The following ADAM22 variants were observed in gnomAD, a reference collection of about 807,000 sequenced individuals.
ADAM22 encodes the protein disintegrin and metalloproteinase domain-containing protein 22.
A neutral mutation model predicts 144.6 loss-of-function variants in ADAM22; 65 were observed. The ratio of observed to expected loss-of-function variants is 0.45; its 90% CI spans 0.37 to 0.55. ADAM22 has a LOEUF of 0.55. ADAM22 is among the 20% of genes least tolerant of loss of function. The pLI is 0.00. For missense variants in ADAM22, 974 were observed against 1,184.9 expected (o/e 0.82, Z 2.61); for synonymous variants, 391 against 412.6 (o/e 0.95, Z 0.63).
In ADAM22 at chr7:88,202,118, CCA is replaced by C. The variant is rs1382572726; in HGVS notation, c.*5629_*5630del. 1 of 152,130 alleles carries C rather than the reference CCA, an allele frequency of 6.6e-6. No homozygotes were observed. The highest frequency in any genetic ancestry group is 1.5e-5 in the Non-Finnish European group (1 of 68,020). The allele number at this position is 152,130 out of a possible 1,614,324, so 9.4% of individuals were successfully genotyped here. On this transcript the variant is annotated 3_prime_UTR_variant, in exon 32 of 32. Transcript: ENST00000413139. Reference sequence around the variant, plus strand: ...GTGTATCACTGCCTGACTAGAAACCCCACTTTTCTTTTCTAATCCAGCACAAA... The same window carrying C: ...GTGTATCACTGCCTGACTAGAAACCCCTTTTCTTTTCTAATCCAGCACAAA...
rs1240469158 is a variant in ADAM22 at position 88,116,253 on chromosome 7, A to G, written c.538-492A>G. ...TTTTAGAAGAAAAATGTGACTTTTT[A>G]TCTCTTGCTTTTTCATATAGCTTGT... is the stretch of plus-strand genomic sequence containing the variant. On this transcript the variant is annotated intron_variant, in intron 6 of 31. Transcript: ENST00000413139. 2.6e-5 allele frequency among the ~76,000 whole-genome samples: 4 copies of G among 151,972 alleles called. No individual in the cohort carries two copies. The South Asian group carries it at 8.3e-4, about 32-fold the overall frequency.
At chr7:88,087,597 T>G (rs1291522094) in intron 4 of ADAM22, among the ~76,000 whole-genome samples, 3 of 152,100 alleles carry the variant, frequency 2.0e-5, no homozygotes, top group Non-Finnish European at 4.4e-5. Context: ...GTAGACATCT[T>G]TGTAGAGATA....
chr7:88,196,375 T>C, intron 31 of ADAM22, 96 bp from the exon 32 acceptor site: 2 of 1,399,568 alleles, frequency 1.4e-6, no homozygotes, highest in Non-Finnish European at 2.0e-6. Context: ...ATCACATATA[T>C]ATGGATGGAA....
intron 4 of ADAM22, among the ~76,000 whole-genome samples, chr7:88,083,930 G>A (rs924700861): frequency 2.6e-5 from 4 of 151,976 alleles, no homozygotes; most frequent in Admixed American, 6.6e-5. Flanking sequence ...AAATTACCTA[G>A]GGCTAGAATC....
intron 2 of ADAM22, chr7:87,964,606 A>C: frequency 2.4e-6 from 1 of 419,566 alleles, no homozygotes; most frequent in Non-Finnish European, 4.6e-6. Context: ...CGTGTTTGAA[A>C]AATTGTACTC....
At chr7:88,023,027 C>G (rs1378121323) in intron 3 of ADAM22, among the ~76,000 whole-genome samples, 4 of 152,100 alleles carry the variant, frequency 2.6e-5, no homozygotes, top group Admixed American at 6.5e-5. Context: ...TTTTCTTTTG[C>G]TTAGGACTCT....
At chr7:88,015,471 T>C (rs1585030149) in intron 3 of ADAM22, among the ~76,000 whole-genome samples, 1 of 152,320 alleles carries the variant, frequency 6.6e-6, no homozygotes, top group East Asian at 1.9e-4. Flanking sequence ...ATCACAGGCA[T>C]GCATAGCTGC....
At chr7:88,055,058 G>A (rs539422453) in intron 3 of ADAM22, among the ~76,000 whole-genome samples, 8 of 151,966 alleles carry the variant, frequency 5.3e-5, no homozygotes, top group Admixed American at 2.6e-4. Flanking sequence ...ATGTACAGGG[G>A]TTTTATAATG....
At chr7:88,057,499 C>T (rs575380087) in intron 3 of ADAM22, among the ~76,000 whole-genome samples, 1 of 152,268 alleles carries the variant, frequency 6.6e-6, no homozygotes, top group East Asian at 1.9e-4. Context: ...TGAACTATGG[C>T]AGCATCATTG....
intron 2 of ADAM22, among the ~76,000 whole-genome samples, chr7:87,945,751 G>C (rs1410476594): frequency 2.6e-5 from 4 of 152,040 alleles, no homozygotes; most frequent in African/African-American, 9.7e-5. Flanking sequence ...CTGACCTCGT[G>C]ATCCACCCGC....
chr7:87,974,344 C>T (rs1851360983), intron 2 of ADAM22, among the ~76,000 whole-genome samples: 1 of 151,548 alleles, frequency 6.6e-6, no homozygotes, highest in South Asian at 2.1e-4. Flanking sequence ...AAAAGAAGCA[C>T]CATATTTCTT....
intron 3 of ADAM22, among the ~76,000 whole-genome samples, chr7:88,010,323 A>G (rs1317810462): frequency 1.3e-5 from 2 of 152,162 alleles, no homozygotes; most frequent in African/African-American, 4.8e-5. Flanking sequence ...TTTGCAGGTG[A>G]TGGACACCCG....
intron 3 of ADAM22, among the ~76,000 whole-genome samples, chr7:88,017,813 G>A (rs919698021): frequency 2.6e-5 from 4 of 151,220 alleles, no homozygotes; most frequent in South Asian, 2.1e-4. Context: ...GTATATATAT[G>A]TGTGTGTGTG....
chr7:87,949,981 C>T (rs1414497934), intron 2 of ADAM22, among the ~76,000 whole-genome samples: 3 of 151,276 alleles, frequency 2.0e-5, no homozygotes, highest in Non-Finnish European at 2.9e-5. Context: ...GGATGTTACC[C>T]ATACTCCATG....
intron 2 of ADAM22, among the ~76,000 whole-genome samples, chr7:87,950,410 T>C (rs569945080): frequency 0.021 from 3,138 of 147,702 alleles, 123 homozygotes; most frequent in African/African-American, 0.075. Context: ...GTTCTTGCCA[T>C]AGTTTACTGA....
At chr7:88,105,335 G>A (rs916991183) in intron 4 of ADAM22, among the ~76,000 whole-genome samples, 4 of 152,086 alleles carry the variant, frequency 2.6e-5, no homozygotes, top group African/African-American at 4.8e-5. Flanking sequence ...CCAATATAAG[G>A]AAACACTTAT....
chr7:87,998,269 C>T (rs1432062973), intron 3 of ADAM22, among the ~76,000 whole-genome samples: 1 of 152,182 alleles, frequency 6.6e-6, no homozygotes, highest in Non-Finnish European at 1.5e-5. Flanking sequence ...TGGCAACACC[C>T]TTACAGACAC....
At chr7:88,111,654 A>T (rs1563239500) in intron 5 of ADAM22, among the ~76,000 whole-genome samples, 1 of 151,586 alleles carries the variant, frequency 6.6e-6, no homozygotes, top group African/African-American at 2.4e-5. Flanking sequence ...AACCTTTTGA[A>T]ATTTTAGCTC....
chr7:88,056,674 C>T (rs536468074), intron 3 of ADAM22, among the ~76,000 whole-genome samples: 18 of 152,226 alleles, frequency 1.2e-4, no homozygotes, highest in African/African-American at 4.1e-4. Context: ...TCTCCTTTTC[C>T]ATCTTATCTT....
Sources: gnomAD v4.1 joint callset for allele counts (sites outside exome capture counted in the v4.1 genomes callset) on GRCh38, gnomAD v4.1.1 for gene constraint, MANE v1.5 for transcripts, NCBI Gene and HGNC (gene_info 2026-07-23, HGNC 2026-07-21) for gene names.